The following WWOX variants were observed in gnomAD, a reference collection of about 807,000 sequenced individuals.
WWOX encodes WW domain-containing oxidoreductase.
A neutral mutation model predicts 46.2 loss-of-function variants in WWOX; 69 were observed. That is an observed-to-expected ratio of 1.49 (90% CI 1.23 to 1.82). WWOX has a LOEUF of 1.82. Among genes scored for constraint, WWOX ranks in the 40% most tolerant of loss-of-function variants. WWOX has a pLI of 0.00. For missense variants in WWOX, 919 were observed against 542.6 expected (o/e 1.69, Z -6.89); for synonymous variants, 359 against 202.6 (o/e 1.77, Z -6.56).
chr16:78,618,152 G>T (rs576006263), intron 8 of WWOX, among the ~76,000 whole-genome samples: 1 of 152,290 alleles, frequency 6.6e-6, no homozygotes, highest in Non-Finnish European at 1.5e-5. Context: ...CTCACTGAAG[G>T]CCACAGCACA....
At chr16:78,907,125 G>A (rs1597134219) in intron 8 of WWOX, among the ~76,000 whole-genome samples, 4 of 152,204 alleles carry the variant, frequency 2.6e-5, no homozygotes, top group African/African-American at 4.8e-5. Context: ...AGAGACTGGG[G>A]TTTTTTTAAG....
intron 5 of WWOX, among the ~76,000 whole-genome samples, chr16:78,267,952 G>C (rs1265170060): frequency 6.6e-6 from 1 of 152,128 alleles, no homozygotes; most frequent in Non-Finnish European, 1.5e-5. Context: ...TGAGTAGCTG[G>C]GACTATAGGT....
chr16:78,804,546 G>A (rs1046515411), intron 8 of WWOX, among the ~76,000 whole-genome samples: 1 of 152,202 alleles, frequency 6.6e-6, no homozygotes, highest in African/African-American at 2.4e-5. Context: ...TTTGGAGCCT[G>A]ATGAGAACTG....
intron 8 of WWOX, among the ~76,000 whole-genome samples, chr16:78,695,924 C>T (rs1230693774): frequency 6.6e-6 from 1 of 152,172 alleles, no homozygotes; most frequent in Non-Finnish European, 1.5e-5. Flanking sequence ...CCTGGACCGG[C>T]AGCATCACCA....
intron 1 of WWOX, among the ~76,000 whole-genome samples, chr16:78,106,040 G>A (rs1328055609): frequency 6.6e-6 from 1 of 152,072 alleles, no homozygotes; most frequent in Admixed American, 6.5e-5. Flanking sequence ...GGGCTCTAGC[G>A]ATCCTCCCGC....
intron 5 of WWOX, among the ~76,000 whole-genome samples, chr16:78,181,604 G>A (rs4888755): frequency 0.17 from 25,696 of 152,086 alleles, 2,261 homozygotes; most frequent in Non-Finnish European, 0.2. Context: ...ATTTAGGGTG[G>A]TAATTTGGTT....
At chr16:78,249,628 C>T (rs2037926004) in intron 5 of WWOX, among the ~76,000 whole-genome samples, 1 of 152,114 alleles carries the variant, frequency 6.6e-6, no homozygotes, top group Non-Finnish European at 1.5e-5. Context: ...CTTGGGCTAC[C>T]CAACAGTGCA....
intron 8 of WWOX, among the ~76,000 whole-genome samples, chr16:79,060,410 A>G (rs1262843606): frequency 1.3e-5 from 2 of 152,214 alleles, no homozygotes; most frequent in African/African-American, 4.8e-5. Flanking sequence ...TGATGGTATC[A>G]GCATGGATGC....
chr16:78,803,678 C>G (rs1160435683), intron 8 of WWOX, among the ~76,000 whole-genome samples: 1 of 152,076 alleles, frequency 6.6e-6, no homozygotes, highest in African/African-American at 2.4e-5. Flanking sequence ...AGGTTGCTCT[C>G]AAACTCCTAG....
chr16:78,483,353 G>A (rs2084544251), intron 8 of WWOX, among the ~76,000 whole-genome samples: 1 of 151,184 alleles, frequency 6.6e-6, no homozygotes, highest in South Asian at 2.1e-4. Flanking sequence ...CCCGTCTGCA[G>A]AAGCATTGGC....
At chr16:78,867,321 T>C (rs1213606188) in intron 8 of WWOX, among the ~76,000 whole-genome samples, 3 of 152,186 alleles carry the variant, frequency 2.0e-5, no homozygotes, top group Non-Finnish European at 4.4e-5. Flanking sequence ...CTTTCTATTT[T>C]ATGTACATAT....
chr16:78,835,678 T>G, intron 8 of WWOX, among the ~76,000 whole-genome samples: 1 of 152,222 alleles, frequency 6.6e-6, no homozygotes, highest in East Asian at 1.9e-4. Context: ...CACACAGCAG[T>G]TCTGAAACTC....
chr16:78,822,574 T>C (rs2051531940), intron 8 of WWOX, among the ~76,000 whole-genome samples: 1 of 152,160 alleles, frequency 6.6e-6, no homozygotes. Flanking sequence ...ATTCTAAATA[T>C]TTTATAAATA....
At chr16:78,359,036 C>T (rs1443874893) in intron 5 of WWOX, among the ~76,000 whole-genome samples, 5 of 151,926 alleles carry the variant, frequency 3.3e-5, no homozygotes, top group Non-Finnish European at 5.9e-5. Context: ...TCATGAGCAA[C>T]GTTGCTGGTT....
chr16:79,072,905 A>T (rs1162810418), intron 8 of WWOX, among the ~76,000 whole-genome samples: 2 of 152,150 alleles, frequency 1.3e-5, no homozygotes, highest in Non-Finnish European at 2.9e-5. Flanking sequence ...TGAGAAGTTT[A>T]GTTGCCACTT....
At chr16:79,001,915 A>T (rs923142145) in intron 8 of WWOX, among the ~76,000 whole-genome samples, 2 of 152,152 alleles carry the variant, frequency 1.3e-5, no homozygotes, top group Non-Finnish European at 2.9e-5. Flanking sequence ...AATTACCAGC[A>T]GTCCATAGTG....
intron 8 of WWOX, among the ~76,000 whole-genome samples, chr16:78,490,466 T>C (rs1158680190): frequency 6.6e-6 from 1 of 152,206 alleles, no homozygotes; most frequent in Non-Finnish European, 1.5e-5. Context: ...ATCATTGTTG[T>C]AGTTCCCGCA....
intron 8 of WWOX, among the ~76,000 whole-genome samples, chr16:78,550,491 CAA>C (rs1193375473): frequency 1.3e-5 from 2 of 152,184 alleles, no homozygotes; most frequent in African/African-American, 4.8e-5. Flanking sequence ...GGCCTCTGGT[CAA>C]GAGCACTTGT....
intron 8 of WWOX, among the ~76,000 whole-genome samples, chr16:79,115,084 G>C (rs965384103): frequency 2.0e-5 from 3 of 152,194 alleles, no homozygotes; most frequent in Admixed American, 6.5e-5. Context: ...GAAGGGACCA[G>C]GTCCCTCAAT....
Sources: gnomAD v4.1 joint callset for allele counts (sites outside exome capture counted in the v4.1 genomes callset) on GRCh38, gnomAD v4.1.1 for gene constraint, MANE v1.5 for transcripts, NCBI Gene and HGNC (gene_info 2026-07-23, HGNC 2026-07-21) for gene names.